EYA4: variants seen among roughly 807,000 people sequenced by gnomAD.
The protein encoded by EYA4 is protein phosphatase EYA4.
EYA4 carries 31 observed loss-of-function variants against 87.9 expected under a neutral mutation model. The observed-to-expected ratio is 0.35, with a 90% confidence interval of 0.27 to 0.48. EYA4 has a LOEUF of 0.48. EYA4 is among the 20% of genes least tolerant of loss of function. The pLI, the probability that EYA4 is intolerant of heterozygous loss-of-function variation, is 0.99. For missense variants in EYA4, 678 were observed against 761.4 expected (o/e 0.89, Z 1.29); for synonymous variants, 263 against 270.6 (o/e 0.97, Z 0.28).
At chr6:133,460,665 A>C (rs1038879327) in intron 6 of EYA4, among the ~76,000 whole-genome samples, 12 of 152,114 alleles carry the variant, frequency 7.9e-5, no homozygotes, top group Non-Finnish European at 1.6e-4. Context: ...TGAAGTTTGG[A>C]ACATCACAGT....
chr6:133,530,790 C>T lies in EYA4; in HGVS notation c.*1985C>T, dbSNP rs1800962995. The T allele has an allele frequency of 1.0e-6, 1 of 987,766 alleles. No homozygotes were observed. The highest frequency in any genetic ancestry group is 1.7e-5 in the African/African-American group (1 of 57,310). 61.2% of individuals were successfully genotyped at this position (987,766 alleles called of 1,614,324 possible). A position where few individuals can be genotyped will look rare whatever the true frequency, so the allele number is the denominator to read the frequency against. ...TAAATTTTGTAGCTTTTGGCTGCAT[C>T]TGCCCCAAGTACTATTCCAGGCAAA... is the stretch of plus-strand genomic sequence containing the variant. On this transcript the variant is annotated 3_prime_UTR_variant, in exon 20 of 20. Transcript: ENST00000355286.
chr6:133,314,715 G>A (rs1433001278), intron 2 of EYA4, among the ~76,000 whole-genome samples: 1 of 152,022 alleles, frequency 6.6e-6, no homozygotes, highest in South Asian at 2.1e-4. Context: ...AAAATAAAGC[G>A]CTAGTATTAA....
At chr6:133,359,678 T>G (rs1784320395) in intron 2 of EYA4, among the ~76,000 whole-genome samples, 1 of 152,202 alleles carries the variant, frequency 6.6e-6, no homozygotes, top group Admixed American at 6.5e-5. Context: ...AAAATTGATT[T>G]TACTTTGAAA....
At chr6:133,374,878 T>G in intron 2 of EYA4, among the ~76,000 whole-genome samples, 1 of 152,098 alleles carries the variant, frequency 6.6e-6, no homozygotes, top group East Asian at 1.9e-4. Flanking sequence ...TTTTGTATTA[T>G]TTAATAATTG....
intron 5 of EYA4, among the ~76,000 whole-genome samples, chr6:133,452,266 T>C (rs907529508): frequency 2.6e-5 from 4 of 152,154 alleles, no homozygotes; most frequent in African/African-American, 9.7e-5. Flanking sequence ...GTATGTGGAA[T>C]TACATATATG....
chr6:133,403,288 T>C (rs1406880413), intron 3 of EYA4, among the ~76,000 whole-genome samples: 1 of 152,236 alleles, frequency 6.6e-6, no homozygotes, highest in Admixed American at 6.5e-5. Context: ...TTGATTTGTT[T>C]ATACAGAAAA....
chr6:133,322,703 A>G (rs1042109089), intron 2 of EYA4, among the ~76,000 whole-genome samples: 24 of 152,318 alleles, frequency 1.6e-4, no homozygotes, highest in African/African-American at 4.3e-4. Context: ...TCATAAGACT[A>G]TGTCTTAACT....
intron 13 of EYA4, among the ~76,000 whole-genome samples, chr6:133,492,833 TAAA>T (rs952666183): frequency 6.6e-6 from 1 of 151,828 alleles, no homozygotes. Flanking sequence ...GAATAAGAAA[TAAA>T]AAAGTAATGC....
chr6:133,403,448 A>G (rs1562379547), intron 3 of EYA4, among the ~76,000 whole-genome samples: 2 of 152,242 alleles, frequency 1.3e-5, no homozygotes, highest in East Asian at 1.9e-4. Flanking sequence ...AATCTTTCTC[A>G]TTTTGCTCTA....
intron 1 of EYA4, among the ~76,000 whole-genome samples, chr6:133,267,792 G>A (rs1374654879): frequency 2.0e-5 from 3 of 152,074 alleles, no homozygotes; most frequent in Admixed American, 6.6e-5. Flanking sequence ...AGTTTTCATT[G>A]TCATGAATTA....
chr6:133,448,232 C>T (rs1793057986), intron 5 of EYA4, 53 bp downstream of exon 5: 1 of 1,305,978 alleles, frequency 7.7e-7, no homozygotes, highest in Non-Finnish European at 1.1e-6. Flanking sequence ...ATTTGCCCCT[C>T]TGGATTGCTG....
chr6:133,465,002 ATTAGCT>A, intron 10 of EYA4, 144 bp downstream of exon 10: 1 of 636,412 alleles, frequency 1.6e-6, no homozygotes. Flanking sequence ...ATAGTAAAAA[ATTAGCT>A]ATCTAGAATT....
chr6:133,448,909 T>G (rs955138030), intron 5 of EYA4, among the ~76,000 whole-genome samples: 6 of 152,194 alleles, frequency 3.9e-5, no homozygotes, highest in Admixed American at 2.6e-4. Context: ...ATTGGAAATG[T>G]GCATCACAAA....
intron 6 of EYA4, among the ~76,000 whole-genome samples, chr6:133,457,304 T>G (rs1383170561): frequency 6.6e-6 from 1 of 152,184 alleles, no homozygotes; most frequent in Non-Finnish European, 1.5e-5. Context: ...TTAATTAAAT[T>G]TTTTTAAGTT....
intron 2 of EYA4, among the ~76,000 whole-genome samples, chr6:133,310,956 T>C (rs1457597292): frequency 6.6e-6 from 1 of 152,238 alleles, no homozygotes; most frequent in Non-Finnish European, 1.5e-5. Context: ...ATGTTTCTTT[T>C]GATGATCCTG....
chr6:133,517,161 A>G (rs1799667514), intron 17 of EYA4, among the ~76,000 whole-genome samples: 5 of 152,110 alleles, frequency 3.3e-5, no homozygotes, highest in Non-Finnish European at 1.5e-5. Flanking sequence ...CTTACAAGTG[A>G]GAGCTAAATG....
intron 3 of EYA4, among the ~76,000 whole-genome samples, chr6:133,432,336 C>A (rs1791256707): frequency 6.6e-6 from 1 of 152,182 alleles, no homozygotes; most frequent in Non-Finnish European, 1.5e-5. Flanking sequence ...ATATTTATGC[C>A]AGCCACATTT....
intron 10 of EYA4, among the ~76,000 whole-genome samples, chr6:133,467,184 A>G (rs1045608893): frequency 6.6e-6 from 1 of 152,162 alleles, no homozygotes; most frequent in Admixed American, 6.6e-5. Flanking sequence ...CCTTTCCAGT[A>G]TGTAACCTCA....
chr6:133,369,018 T>C (rs1341758717), intron 2 of EYA4, among the ~76,000 whole-genome samples: 4 of 152,108 alleles, frequency 2.6e-5, no homozygotes, highest in Admixed American at 2.6e-4. Flanking sequence ...ACTGTAAAGA[T>C]TATGAGAAAA....
Sources: gnomAD v4.1 joint callset for allele counts (sites outside exome capture counted in the v4.1 genomes callset) on GRCh38, gnomAD v4.1.1 for gene constraint, MANE v1.5 for transcripts, NCBI Gene and HGNC (gene_info 2026-07-23, HGNC 2026-07-21) for gene names.